The following APBB1IP variants were observed in gnomAD, a reference collection of about 807,000 sequenced individuals.
APBB1IP encodes amyloid beta A4 precursor protein-binding family B member 1-interacting protein.
A neutral mutation model predicts 64.9 loss-of-function variants in APBB1IP; 27 were observed. The ratio of observed to expected loss-of-function variants is 0.42; its 90% CI spans 0.31 to 0.57. The LOEUF (loss-of-function observed/expected upper bound fraction) is 0.57. Ranked by LOEUF, APBB1IP falls within the 20% of genes least tolerant of loss-of-function variation. The pLI, the probability that APBB1IP is intolerant of heterozygous loss-of-function variation, is 0.20. For synonymous variants in APBB1IP, 392 were observed against 331.0 expected (o/e 1.18, Z -2.00); for missense variants, 812 against 845.5 (o/e 0.96, Z 0.49).
intron 14 of APBB1IP, among the ~76,000 whole-genome samples, chr10:26,563,411 C>G (rs919536296): frequency 2.6e-5 from 4 of 152,102 alleles, no homozygotes; most frequent in African/African-American, 9.7e-5. Context: ...TCTATTTTCC[C>G]CATTAATGTC....
Position 26,560,721 on chromosome 10 carries a change from T to A in APBB1IP, c.1255-9T>A, listed in dbSNP as rs776403308. 6 of 1,564,064 alleles carry A rather than the reference T, an allele frequency of 3.8e-6. No homozygotes were observed. In the East Asian group the frequency reaches 1.1e-4, roughly 29 times the overall value. ...TTCCTTTCCTTCTTCCTTTGTGTTC[T>A]CTCCCCAGTATGGGAAGACTCTCTA... On this transcript the variant is annotated splice_polypyrimidine_tract_variant and intron_variant, in intron 12 of 14. Coordinates refer to ENST00000376236, the MANE Select transcript of APBB1IP (RefSeq NM_019043.4).
chr10:26,447,321 G>T (rs1159728128), intron 2 of APBB1IP, among the ~76,000 whole-genome samples: 4 of 143,220 alleles, frequency 2.8e-5, no homozygotes, highest in African/African-American at 7.9e-5. Flanking sequence ...TTTGCAGTGA[G>T]CCGAGATCGC....
chr10:26,466,006 G>T (rs1339806953), intron 2 of APBB1IP, among the ~76,000 whole-genome samples: 11 of 152,188 alleles, frequency 7.2e-5, no homozygotes. Flanking sequence ...ACAGTCCACA[G>T]CAGGGCTAGC....
At chr10:26,460,866 C>T (rs1358863255) in intron 2 of APBB1IP, among the ~76,000 whole-genome samples, 4 of 152,102 alleles carry the variant, frequency 2.6e-5, no homozygotes, top group African/African-American at 9.7e-5. Context: ...CTCACTGCTG[C>T]CAGCACTCAC....
chr10:26,507,299 C>G (rs757138984), intron 6 of APBB1IP, among the ~76,000 whole-genome samples: 1 of 152,102 alleles, frequency 6.6e-6, no homozygotes, highest in Non-Finnish European at 1.5e-5. Flanking sequence ...TAAGACCAGC[C>G]TGGGCAACAT....
rs111993427 is a variant in APBB1IP, at chr10:26,500,609, C to T, written c.161-210C>T. On this transcript the variant is annotated intron_variant, in intron 4 of 14. Coordinates refer to ENST00000376236, the MANE Select transcript of APBB1IP (RefSeq NM_019043.4). ...TTTTTCTTGGTGTTAGAAACTCAGT[C>T]GGATTAACCATGCAACAAATGCAGC... Among the ~76,000 whole-genome samples, 715 of 152,234 alleles carry T rather than the reference C, an allele frequency of 4.7e-3. 10 individuals are homozygous for T. Among genetic ancestry groups the T allele is most frequent in the African/African-American group, 0.015 (609 of 41,550 alleles).
At chr10:26,481,837 G>C (rs949959552) in intron 2 of APBB1IP, among the ~76,000 whole-genome samples, 1 of 144,122 alleles carries the variant, frequency 6.9e-6, no homozygotes. Flanking sequence ...GTGTGTGTGT[G>C]TGTGTGTGTG....
intron 2 of APBB1IP, among the ~76,000 whole-genome samples, chr10:26,457,932 A>G (rs4749147): frequency 0.4 from 60,773 of 152,092 alleles, 12,279 homozygotes; most frequent in South Asian, 0.5. Context: ...TAAACTTGTT[A>G]CCACCATTCC....
chr10:26,531,666 C>CAA (rs35864955), intron 8 of APBB1IP, among the ~76,000 whole-genome samples: 104 of 143,906 alleles, frequency 7.2e-4, no homozygotes, highest in South Asian at 1.5e-3. Flanking sequence ...GACCCCGTCT[C>CAA]AAAAAAAAAA....
chr10:26,552,096 C>T (rs549492603), intron 11 of APBB1IP, among the ~76,000 whole-genome samples: 98 of 152,230 alleles, frequency 6.4e-4, no homozygotes, highest in African/African-American at 2.3e-3. Context: ...CCCAGGAGCT[C>T]GAGACCAGCC....
intron 10 of APBB1IP, among the ~76,000 whole-genome samples, chr10:26,537,933 CA>C (rs11331595): frequency 0.27 from 28,384 of 106,958 alleles, 2,551 homozygotes; most frequent in East Asian, 0.44. Context: ...GACTAGGTCT[CA>C]AAAAAAAAAA....
intron 11 of APBB1IP, among the ~76,000 whole-genome samples, chr10:26,546,500 T>A (rs574232313): frequency 1.1e-4 from 17 of 152,254 alleles, no homozygotes; most frequent in Non-Finnish European, 2.5e-4. Context: ...ATGTAAACAT[T>A]GTGTAATCAT....
intron 2 of APBB1IP, among the ~76,000 whole-genome samples, chr10:26,460,371 C>T (rs1433768632): frequency 6.6e-6 from 1 of 152,158 alleles, no homozygotes; most frequent in Non-Finnish European, 1.5e-5. Context: ...CTCAAATTGT[C>T]CTCCTCACAT....
intron 6 of APBB1IP, among the ~76,000 whole-genome samples, chr10:26,509,993 A>G: frequency 6.6e-6 from 1 of 152,122 alleles, no homozygotes; most frequent in South Asian, 2.1e-4. Flanking sequence ...TTTTTGAGAC[A>G]GAGTCTCGCT....
chr10:26,501,876 A>G (rs1364086773), intron 5 of APBB1IP: 1 of 152,240 alleles, frequency 6.6e-6, no homozygotes, highest in Non-Finnish European at 1.5e-5. Context: ...GAAAGGTCAT[A>G]CAATGCCTTT....
chr10:26,497,876 G>A (rs564049254), intron 4 of APBB1IP, among the ~76,000 whole-genome samples: 44 of 151,828 alleles, frequency 2.9e-4, no homozygotes, highest in African/African-American at 8.7e-4. Flanking sequence ...ACAGGCATGC[G>A]CCATCATGAC....
chr10:26,493,889 T>C (rs1480416501), intron 3 of APBB1IP, among the ~76,000 whole-genome samples: 1 of 152,170 alleles, frequency 6.6e-6, no homozygotes, highest in East Asian at 1.9e-4. Flanking sequence ...TAGGCTGGAG[T>C]GCAGTGGCAC....
intron 9 of APBB1IP, among the ~76,000 whole-genome samples, chr10:26,534,294 C>CAAAAAAA (rs71403804): frequency 5.1e-5 from 3 of 58,690 alleles, no homozygotes; most frequent in Non-Finnish European, 9.3e-5. Flanking sequence ...GATCCAGTCT[C>CAAAAAAA]AAAAAAAAAA....
chr10:26,469,133 C>T (rs1394353538), intron 2 of APBB1IP, among the ~76,000 whole-genome samples: 5 of 149,874 alleles, frequency 3.3e-5, no homozygotes, highest in African/African-American at 1.2e-4. Flanking sequence ...AAATTTTTAA[C>T]TTTTTGACTC....
Sources: allele counts gnomAD v4.1 joint callset (sites outside exome capture counted in the v4.1 genomes callset), GRCh38; gene constraint gnomAD v4.1.1; transcripts MANE v1.5; gene names NCBI Gene and HGNC (gene_info 2026-07-23, HGNC 2026-07-21).